Variants in INO80 observed in about 807,000 individuals in gnomAD.
The protein encoded by INO80 is chromatin-remodeling ATPase INO80.
INO80 carries 20 observed loss-of-function variants against 203.4 expected under a neutral mutation model. The observed-to-expected ratio is 0.10, with a 90% confidence interval of 0.07 to 0.14. INO80 has a LOEUF of 0.14. INO80 is among the 10% of genes least tolerant of loss of function. INO80 has a pLI of 1.00. For missense variants in INO80, 1,419 were observed against 1,914.4 expected, an observed-to-expected ratio of 0.74 and a Z score of 4.83; for synonymous variants, 726 against 685.2, an observed-to-expected ratio of 1.06 and a Z score of -0.93.
intron 29 of INO80, among the ~76,000 whole-genome samples, chr15:40,988,957 G>GTGAGCCGAC (rs1291107582): frequency 1.3e-5 from 2 of 151,922 alleles, no homozygotes; most frequent in Non-Finnish European, 2.9e-5. Flanking sequence ...AGAGGTTGCA[G>GTGAGCCGAC]TGAGCCGACA....
In INO80 at chr15:41,049,346, G is replaced by T. The variant is rs2044823913; in HGVS notation, c.2517C>A (p.His839Gln). The change falls in exon 21 of 36, where the codon CAC (histidine) becomes CAA (glutamine). Residue 839 changes from histidine to glutamine, a missense_variant. Physicochemically the swap from His to Gln is conservative, Grantham distance 24 (BLOSUM62 0). This residue lies in a region of INO80 where 302 missense variants were observed against 345.4 expected (regional missense o/e 0.87). Transcript: ENST00000648947. ...SPFHISLKPY[H>Q]ISKFIYRHGQ... Reference sequence around the variant, plus strand: ...CATGACGGTAGATAAACTTTGAAATGTGGTATGGCTTTAGGGAAATATGAA... The same window carrying T: ...CATGACGGTAGATAAACTTTGAAATTTGGTATGGCTTTAGGGAAATATGAA... 3 of 1,613,684 alleles carry T rather than the reference G, an allele frequency of 1.9e-6. No individual in the cohort carries two copies. The highest frequency in any genetic ancestry group is 2.5e-6 in the Non-Finnish European group (3 of 1,179,568).
rs765419063 is a variant in INO80 at position 41,016,181 on chromosome 15, C to T, written c.3309G>A (p.Leu1103=). ...GAGTCAGCAGGACATCAAGGGCATA[C>T]AGCTTTCCACTGTCAGTGATGAGGC... The part of the protein sequence containing the change: ...KESLITDSGK[L]YALDVLLTRL... The change falls in exon 27 of 36, where the codon CTG becomes CTA. Residue 1103 remains leucine (L), a synonymous_variant. Coordinates refer to ENST00000648947, the MANE Select transcript of INO80 (RefSeq NM_017553.3). 6.1e-5 allele frequency: 98 copies of T among 1,613,854 alleles called. No individual in the cohort carries two copies. Among genetic ancestry groups the T allele is most frequent in the Non-Finnish European group, 8.2e-5 (97 of 1,179,906 alleles).
rs528094688 is a variant in INO80 at position 41,010,321 on chromosome 15, AT to A, written c.3403-4635del. ...AAATATTTTTTTAATTTCTCTTTTAATTTTTTTTCCCCCAGGATCAGAGATC... is the reference window on the plus strand; with the variant it reads ...AAATATTTTTTTAATTTCTCTTTTAATTTTTTTCCCCCAGGATCAGAGATC... On this transcript the variant is annotated intron_variant, in intron 27 of 35. Coordinates refer to ENST00000648947, the MANE Select transcript of INO80 (RefSeq NM_017553.3). Among the ~76,000 whole-genome samples the A allele has an allele frequency of 2.9e-3, 443 of 151,776 alleles. 2 individuals carry two copies. Among genetic ancestry groups the A allele is most frequent in the South Asian group, 0.013 (63 of 4,794 alleles).
intron 27 of INO80, among the ~76,000 whole-genome samples, chr15:41,007,208 C>T (rs2044058254): frequency 8.4e-6 from 1 of 118,742 alleles, no homozygotes; most frequent in South Asian, 2.7e-4. Context: ...TTTTTAGACA[C>T]TGTCTTGCTC....
At chr15:40,997,371 A>G (rs1255047980) in intron 29 of INO80, among the ~76,000 whole-genome samples, 158 bp downstream of exon 29, 1 of 152,242 alleles carries the variant, frequency 6.6e-6, no homozygotes, top group African/African-American at 2.4e-5. Flanking sequence ...AAGAGCAACT[A>G]GAGTCTTTTA....
At chr15:41,043,006 T>C (rs939999439) in intron 24 of INO80, among the ~76,000 whole-genome samples, 1 of 152,184 alleles carries the variant, frequency 6.6e-6, no homozygotes, top group Non-Finnish European at 1.5e-5. Flanking sequence ...AAGTGAATCT[T>C]TCAACTGCGT....
In INO80 at chr15:41,042,411, C is replaced by T. The variant is rs191720956; in HGVS notation, c.2907+2493G>A. Among the ~76,000 whole-genome samples the T allele has an allele frequency of 5.1e-4, 78 of 152,130 alleles. 2 individuals are homozygous for T. Among genetic ancestry groups the T allele is most frequent in the African/African-American group, 1.8e-3 (73 of 41,480 alleles). On this transcript the variant is annotated intron_variant, in intron 24 of 35. Transcript: ENST00000648947. Reference sequence around the variant, plus strand: ...AAATGATACTCTCACCTTGGCCTTCCGAAGTGCTAGGATTACAGGCCCAAG... The same window carrying T: ...AAATGATACTCTCACCTTGGCCTTCTGAAGTGCTAGGATTACAGGCCCAAG...
chr15:41,030,182 A>C (rs1475025250), intron 24 of INO80, among the ~76,000 whole-genome samples: 1 of 152,244 alleles, frequency 6.6e-6, no homozygotes, highest in Non-Finnish European at 1.5e-5. Flanking sequence ...AGAAAATAAA[A>C]GAATGAACAT....
chr15:40,995,279 C>T (rs140026240), intron 29 of INO80, among the ~76,000 whole-genome samples: 22 of 152,104 alleles, frequency 1.4e-4, no homozygotes, highest in African/African-American at 5.3e-4. Flanking sequence ...AATATTGACA[C>T]CTGAATGGGG....
Position 41,073,304 on chromosome 15 carries a change from T to C in INO80, c.1395+124A>G. On this transcript the variant is annotated intron_variant, in intron 11 of 35. Transcript: ENST00000648947. ...CTACACACAGCTACTCACACACATA[T>C]ACACAAGCTAGTCTATGCTTTTAAT... 4.9e-6 allele frequency: 4 copies of C among 813,408 alleles called. No homozygotes were observed. In the Middle Eastern group the frequency reaches 6.8e-4, roughly 137 times the overall value. The allele number at this position is 813,408 out of a possible 1,614,324, so 50.4% of individuals were successfully genotyped here. A position where few individuals can be genotyped will look rare whatever the true frequency, so the allele number is the denominator to read the frequency against.
At chr15:41,026,286 C>A (rs1160484871) in intron 25 of INO80, among the ~76,000 whole-genome samples, 1 of 152,182 alleles carries the variant, frequency 6.6e-6, no homozygotes, top group Non-Finnish European at 1.5e-5. Flanking sequence ...GGCACGGTGG[C>A]TCACATCTGT....
intron 29 of INO80, 150 bp from the exon 30 acceptor site, chr15:40,988,124 G>A (rs757095464): frequency 1.0e-5 from 6 of 575,524 alleles, no homozygotes; most frequent in Non-Finnish European, 1.8e-5. Context: ...CATCTTAGAA[G>A]ATACAAAGCC....
chr15:41,099,617 CA>C (rs1225469974), intron 1 of INO80, among the ~76,000 whole-genome samples: 1 of 151,644 alleles, frequency 6.6e-6, no homozygotes, highest in African/African-American at 2.4e-5. Flanking sequence ...CTTGTCTCTA[CA>C]AAAAAATTTA....
At position 40,980,401 on chromosome 15, in the gene INO80, C is replaced by G. The variant is rs760222077; in HGVS notation, c.4493G>C (p.Arg1498Pro). ...TCCAAAGTCAGCAAGGCCAGCAGGC[C>G]GAACAAGGGATGTCTGCAGAGGACT... ...ASSPLQTSLV[R>P]PAGLADFGPS... The change falls in exon 36 of 36, where the codon CGG becomes CCG. Residue 1498 changes from arginine (R) to proline (P), a missense_variant. Arg to Pro is a moderately radical substitution (Grantham distance 103). Around this residue, in one of 9 missense-constraint regions of INO80, gnomAD observed 112 missense variants for 106.2 expected, o/e 1.05. Coordinates refer to ENST00000648947, the MANE Select transcript of INO80 (RefSeq NM_017553.3). 3 of 1,613,724 alleles carry G rather than the reference C, an allele frequency of 1.9e-6. No individual in the cohort carries two copies. The highest frequency in any genetic ancestry group is 2.5e-6 in the Non-Finnish European group (3 of 1,180,004).
intron 35 of INO80, among the ~76,000 whole-genome samples, chr15:40,980,667 C>T (rs970743762): frequency 1.3e-5 from 2 of 152,168 alleles, no homozygotes; most frequent in African/African-American, 4.8e-5. Flanking sequence ...ACCCAACCCT[C>T]TCTATACTAC....
intron 1 of INO80, among the ~76,000 whole-genome samples, chr15:41,099,405 G>C (rs929250065): frequency 1.3e-5 from 2 of 151,656 alleles, no homozygotes; most frequent in Non-Finnish European, 2.9e-5. Flanking sequence ...AAAATATACT[G>C]AACTGTATAT....
At chr15:41,078,290 T>G (rs377022943) in intron 9 of INO80, among the ~76,000 whole-genome samples, 52 of 152,320 alleles carry the variant, frequency 3.4e-4, no homozygotes, top group African/African-American at 1.2e-3. Flanking sequence ...GTCAAAATTT[T>G]ATTTCAGAAG....
chr15:41,023,864 G>A (rs533054497), intron 25 of INO80, among the ~76,000 whole-genome samples: 11 of 148,582 alleles, frequency 7.4e-5, no homozygotes, highest in African/African-American at 2.0e-4. Context: ...ACAGATAACC[G>A]TTTTGATTTA....
chr15:41,054,359 T>G (rs2044944917), intron 18 of INO80, among the ~76,000 whole-genome samples: 1 of 152,126 alleles, frequency 6.6e-6, no homozygotes, highest in Non-Finnish European at 1.5e-5. Context: ...GTCAGCAAAT[T>G]AACAACTCAT....
Sources: gnomAD v4.1 joint callset for allele counts (sites outside exome capture counted in the v4.1 genomes callset) on GRCh38, gnomAD v4.1.1 for gene constraint, gnomAD v4.1.1 regional missense constraint, MANE v1.5 for transcripts, NCBI Gene and HGNC (gene_info 2026-07-23, HGNC 2026-07-21) for gene names.